Variants in TRAPPC2L observed in about 807,000 individuals in gnomAD.
TRAPPC2L encodes the protein trafficking protein particle complex subunit 2L, also known as trafficking protein particle complex subunit 2-like protein.
A neutral mutation model predicts 13.2 loss-of-function variants in TRAPPC2L; 17 were observed. That is an observed-to-expected ratio of 1.29 (90% confidence interval 0.88 to 1.93). The LOEUF (loss-of-function observed/expected upper bound fraction) is 1.93. TRAPPC2L is among the 30% of genes most tolerant of loss of function. The pLI, the probability that TRAPPC2L is intolerant of heterozygous loss-of-function variation, is 0.00. For missense variants in TRAPPC2L, 359 were observed against 252.1 expected (o/e 1.42, Z -2.87); for synonymous variants, 150 against 98.1 (o/e 1.53, Z -3.12).
chr16:88,856,983 C>G, upstream of TRAPPC2L: 1 of 1,390,552 alleles, frequency 7.2e-7, no homozygotes, highest in Non-Finnish European at 9.2e-7. Context: ...CCACGTGACT[C>G]GCGGGGCGGG....
rs113134745 is a variant in TRAPPC2L, at chr16:88,860,598, G to C, written c.*274G>C. On this transcript the variant is annotated 3_prime_UTR_variant, in exon 4 of 4. Transcript: ENST00000565504. ...TGGTCCCAGATGGGAGCAGGCAGGC[G>C]AATGTCCACAGTCTTGCCTCCTGGG... is the stretch of plus-strand genomic sequence containing the variant. 4.1e-3 allele frequency: 2,397 copies of C among 586,152 alleles called. 15 individuals are homozygous for C. Among genetic ancestry groups the C allele is most frequent in the Non-Finnish European group, 5.4e-3 (1,774 of 329,054 alleles). The allele number at this position is 586,152 out of a possible 1,614,324, so 36.3% of individuals were successfully genotyped here.
exon 4 of TRAPPC2L, chr16:88,861,540 C>T (rs1413382351): frequency 2.4e-6 from 1 of 421,890 alleles, no homozygotes; most frequent in Non-Finnish European, 5.0e-6. Context: ...GGCGTTGGCT[C>T]AGCTGCAGCC....
chr16:88,860,329 T>C (rs1968300103), exon 4 of TRAPPC2L: 1 of 685,584 alleles, frequency 1.5e-6, no homozygotes. Flanking sequence ...ACCTGATCTT[T>C]TATGTTGAAT....
At chr16:88,856,638 G>A, upstream of TRAPPC2L, 1 of 350,892 alleles carries the variant, frequency 2.8e-6, no homozygotes, top group Middle Eastern at 9.8e-4. Flanking sequence ...TTCCCCAAGG[G>A]GCCTCCCCTC....
upstream of TRAPPC2L, chr16:88,856,844 G>A (rs911452920): frequency 6.6e-7 from 1 of 1,516,620 alleles, no homozygotes; most frequent in Non-Finnish European, 8.8e-7. Flanking sequence ...AGCAACAGCT[G>A]CCACCACCTC....
upstream of TRAPPC2L, chr16:88,857,039 T>TG: frequency 1.4e-6 from 2 of 1,427,698 alleles, no homozygotes; most frequent in Non-Finnish European, 9.1e-7. Flanking sequence ...GACTGCCTCG[T>TG]GACCAGTGGG....
In TRAPPC2L at chr16:88,858,726, G is replaced by GA. The variant is rs1255014879; in HGVS notation, c.143dup (p.Ala49GlyfsTer107). On this transcript the variant is annotated frameshift_variant, in exon 2 of 4. Transcript: ENST00000565504. LOFTEE classifies it high-confidence loss of function. ...TGGATGAGAAGATCTCCGCAATGGG[G>GA]AAGGCCCTGGTCGACCAGAGGGAGC... 6.2e-7 allele frequency: 1 copy of GA among 1,613,442 alleles called. No homozygotes were observed. Among genetic ancestry groups the GA allele is most frequent in the African/African-American group, 1.3e-5 (1 of 74,932 alleles).
chr16:88,861,012 G>T (rs1968351900), exon 4 of TRAPPC2L: 8 of 1,538,012 alleles, frequency 5.2e-6, no homozygotes, highest in South Asian at 3.6e-5. Flanking sequence ...CTGTGGTGGG[G>T]CCGTCGGTCT....
exon 4 of TRAPPC2L, chr16:88,860,398 G>A (rs904775099): frequency 1.6e-6 from 1 of 612,450 alleles, no homozygotes; most frequent in Admixed American, 2.8e-5. Context: ...AAAGTAAACA[G>A]ATTTAACTTT....
At chr16:88,861,601 G>T in exon 4 of TRAPPC2L, 1 of 480,818 alleles carries the variant, frequency 2.1e-6, no homozygotes. Context: ...CCTGCCTGTT[G>T]GTGCTGAGGG....
rs1313698610 is a variant in TRAPPC2L, at chr16:88,860,477, C to T, written c.*153C>T. 4.5e-5 allele frequency: 27 copies of T among 603,126 alleles called. 1 individual carries two copies. Among genetic ancestry groups the T allele is most frequent in the South Asian group, 2.2e-4 (11 of 49,832 alleles). 37.4% of individuals were successfully genotyped at this position (603,126 alleles called of 1,614,324 possible). A position where few individuals can be genotyped will look rare whatever the true frequency, so the allele number is the denominator to read the frequency against. ...ACTTGCTTTCAGTGAGTCCCCAGTT[C>T]CAAGACATAATTCCCTGTGGTTGGC... On this transcript the variant is annotated 3_prime_UTR_variant, in exon 4 of 4. Coordinates refer to ENST00000565504, the Ensembl canonical transcript of TRAPPC2L.
Position 88,859,700 on chromosome 16 carries a change from A to G in TRAPPC2L, c.244A>G (p.Met82Val), listed in dbSNP as rs1437179855. 1.9e-6 allele frequency: 3 copies of G among 1,613,992 alleles called. No homozygotes were observed. The South Asian group carries it at 3.3e-5, about 18-fold the overall frequency. The change falls in exon 3 of 4, where the codon ATG (methionine) becomes GTG (valine). Residue 82 changes from methionine to valine, a missense_variant. Physicochemically the swap from Met to Val is conservative, Grantham distance 21. Coordinates refer to ENST00000565504, the Ensembl canonical transcript of TRAPPC2L. ...CACCAACTCCAAGGTGAAGTTTGTC[A>G]TGGTGGTAGATTCCTCCAACACAGC...
chr16:88,857,002 C>T (rs1428701062), upstream of TRAPPC2L: 5 of 1,390,052 alleles, frequency 3.6e-6, no homozygotes, highest in East Asian at 1.5e-4. Flanking sequence ...GGGCCAGAGT[C>T]CGCGGAGGGA....
chr16:88,858,826 C>T (rs760932136), intron 2 of TRAPPC2L, 35 bp downstream of exon 2: 1 of 1,589,084 alleles, frequency 6.3e-7, no homozygotes. Context: ...TCAGGGAGGA[C>T]CTACAGTTGC....
exon 4 of TRAPPC2L, chr16:88,861,097 A>G: frequency 2.6e-6 from 2 of 779,166 alleles, no homozygotes; most frequent in Non-Finnish European, 4.2e-6. Flanking sequence ...TCTCAACTAA[A>G]GGTCTTGTGA....
Position 88,859,829 on chromosome 16 carries a change from A to C in TRAPPC2L, c.295-64A>C, listed in dbSNP as rs540302718. ...TTGACTTTGTTTTGAAATGCTGAGA[A>C]ACTAAAAATCTGGCAGTGGCTGTGT... On this transcript the variant is annotated intron_variant, in intron 3 of 3. Transcript: ENST00000565504. 499 of 1,584,928 alleles carry C rather than the reference A, an allele frequency of 3.1e-4. 6 individuals are homozygous for C. In the East Asian group the frequency reaches 9.6e-3, roughly 30 times the overall value.
At chr16:88,857,130 C>A in exon 1 of TRAPPC2L, 1 of 1,559,102 alleles carries the variant, frequency 6.4e-7, no homozygotes, top group South Asian at 1.2e-5. Context: ...TGACGCGGTG[C>A]CTGGCGCCGA....
chr16:88,859,868 T>A, intron 3 of TRAPPC2L, 25 bp from the exon 4 acceptor site: 1 of 1,554,524 alleles, frequency 6.4e-7, no homozygotes, highest in Non-Finnish European at 8.7e-7. Flanking sequence ...TGTGGCAAGG[T>A]CATGGTTTGC....
At chr16:88,856,737 C>T, upstream of TRAPPC2L, 2 of 1,471,040 alleles carry the variant, frequency 1.4e-6, no homozygotes, top group Non-Finnish European at 1.8e-6. Context: ...GGCCCTGCCC[C>T]GTCCCACCGC....
Sources: allele counts gnomAD v4.1 joint callset, GRCh38; gene constraint gnomAD v4.1.1; transcripts MANE v1.5; gene names NCBI Gene and HGNC (gene_info 2026-07-23, HGNC 2026-07-21).